Variants in RFTN2 observed in about 807,000 individuals in gnomAD.
The protein encoded by RFTN2 is raftlin-2.
Under a neutral mutation model 52.7 loss-of-function variants are expected in RFTN2, and 34 were observed. The observed-to-expected ratio is 0.64, with a 90% CI of 0.49 to 0.86. The LOEUF is 0.86. RFTN2 is among the 40% of genes least tolerant of loss of function. The pLI, the probability that RFTN2 is intolerant of heterozygous loss-of-function variation, is 0.00. For missense variants in RFTN2, 536 were observed against 600.1 expected (o/e 0.89, Z 1.12); for synonymous variants, 203 against 217.7 (o/e 0.93, Z 0.59).
At chr2:197,588,032 A>T (rs1208934764) in intron 8 of RFTN2, 1 of 469,284 alleles carries the variant, frequency 2.1e-6, no homozygotes, top group Non-Finnish European at 4.4e-6. Context: ...CTGCAAAAAT[A>T]TGAGTAGATT....
chr2:197,582,437 A>G (rs1328756606), intron 8 of RFTN2, among the ~76,000 whole-genome samples: 1 of 151,980 alleles, frequency 6.6e-6, no homozygotes, highest in East Asian at 1.9e-4. Context: ...CTTCTTTCCT[A>G]TTCCTCACCC....
intron 1 of RFTN2, among the ~76,000 whole-genome samples, chr2:197,651,689 C>T (rs1487708288): frequency 6.6e-6 from 1 of 152,068 alleles, no homozygotes; most frequent in East Asian, 1.9e-4. Flanking sequence ...AGCTTTTCTT[C>T]TGTTTTCTTC....
At chr2:197,636,109 G>A (rs1016318351) in intron 3 of RFTN2, among the ~76,000 whole-genome samples, 36 of 151,764 alleles carry the variant, frequency 2.4e-4, no homozygotes, top group Non-Finnish European at 4.6e-4. Context: ...CTCTTGTTTT[G>A]GTACCAGTAC....
chr2:197,630,396 T>C (rs1480236716), intron 5 of RFTN2, among the ~76,000 whole-genome samples: 7 of 152,214 alleles, frequency 4.6e-5, no homozygotes, highest in African/African-American at 1.4e-4. Context: ...CCTCATCTCT[T>C]AAAAAAACTT....
intron 5 of RFTN2, among the ~76,000 whole-genome samples, chr2:197,621,741 A>C (rs2088269266): frequency 6.6e-6 from 1 of 152,036 alleles, no homozygotes; most frequent in Non-Finnish European, 1.5e-5. Flanking sequence ...ATTCCCTGAA[A>C]TTAGGCCAAT....
intron 8 of RFTN2, among the ~76,000 whole-genome samples, chr2:197,583,010 C>A (rs1413853072): frequency 6.6e-6 from 1 of 152,144 alleles, no homozygotes; most frequent in African/African-American, 2.4e-5. Flanking sequence ...GTTCTTAGAC[C>A]AAGGAAAATA....
intron 8 of RFTN2, among the ~76,000 whole-genome samples, chr2:197,582,101 G>A (rs2087519649): frequency 1.3e-5 from 2 of 152,242 alleles, no homozygotes; most frequent in South Asian, 2.1e-4. Context: ...TGACCTTACT[G>A]TTTTAGGCTG....
intron 8 of RFTN2, among the ~76,000 whole-genome samples, chr2:197,575,737 T>A (rs1452514768): frequency 7.2e-6 from 1 of 138,708 alleles, no homozygotes; most frequent in Non-Finnish European, 1.6e-5. Context: ...TCAGGTCATA[T>A]ATGTATATAA....
chr2:197,603,778 T>G (rs1168039962), intron 7 of RFTN2, among the ~76,000 whole-genome samples: 3 of 152,006 alleles, frequency 2.0e-5, no homozygotes, highest in Non-Finnish European at 4.4e-5. Flanking sequence ...AAAAACAAAA[T>G]TAGCCAGGCA....
chr2:197,637,092 A>C (rs1316173907), intron 3 of RFTN2, among the ~76,000 whole-genome samples: 2 of 150,280 alleles, frequency 1.3e-5, no homozygotes, highest in Non-Finnish European at 3.0e-5. Flanking sequence ...GATGAAGCCC[A>C]CTTGATCATG....
chr2:197,593,671 G>A (rs2087751611), intron 8 of RFTN2, among the ~76,000 whole-genome samples: 1 of 151,998 alleles, frequency 6.6e-6, no homozygotes, highest in African/African-American at 2.4e-5. Flanking sequence ...GGGGGATCTC[G>A]AGGTCAGGAG....
At chr2:197,601,363 A>G (rs1043486960) in intron 7 of RFTN2, among the ~76,000 whole-genome samples, 5 of 152,172 alleles carry the variant, frequency 3.3e-5, no homozygotes, top group African/African-American at 1.2e-4. Flanking sequence ...AATAAAAACA[A>G]CTTTGACTCC....
chr2:197,665,000 A>C (rs2089031443), intron 1 of RFTN2, among the ~76,000 whole-genome samples: 1 of 152,170 alleles, frequency 6.6e-6, no homozygotes, highest in African/African-American at 2.4e-5. Context: ...TGGGACTACT[A>C]GAGAGAGGGA....
chr2:197,661,404 A>AAT (rs940946865), intron 1 of RFTN2, among the ~76,000 whole-genome samples: 1 of 151,478 alleles, frequency 6.6e-6, no homozygotes, highest in Non-Finnish European at 1.5e-5. Context: ...GTAGTTTTTA[A>AAT]ATATATATAT....
chr2:197,572,425 C>T (rs536897767), intron 8 of RFTN2, 145 bp from the exon 9 acceptor site: 1 of 717,766 alleles, frequency 1.4e-6, no homozygotes, highest in South Asian at 1.8e-5. Context: ...ACGACCAGCT[C>T]AGAGCTACCT....
chr2:197,595,117 T>C (rs901806702), intron 8 of RFTN2, among the ~76,000 whole-genome samples: 7 of 152,224 alleles, frequency 4.6e-5, no homozygotes, highest in Admixed American at 1.3e-4. Flanking sequence ...TCCAGTAAGA[T>C]CAAGGTGACT....
intron 1 of RFTN2, among the ~76,000 whole-genome samples, chr2:197,656,128 C>T (rs1333308501): frequency 6.6e-6 from 1 of 152,168 alleles, no homozygotes; most frequent in Non-Finnish European, 1.5e-5. Flanking sequence ...TCTGCCACAC[C>T]TAGTAAGGTA....
intron 1 of RFTN2, among the ~76,000 whole-genome samples, chr2:197,667,865 G>T (rs1173803678): frequency 6.6e-6 from 1 of 152,144 alleles, no homozygotes. Flanking sequence ...ACCCAGTGAG[G>T]CACATGTTGG....
chr2:197,604,795 C>A (rs150271815), intron 7 of RFTN2, among the ~76,000 whole-genome samples: 1 of 152,158 alleles, frequency 6.6e-6, no homozygotes, highest in Non-Finnish European at 1.5e-5. Flanking sequence ...GAGCCTCACT[C>A]TGTTGCCCAG....
Sources: allele counts gnomAD v4.1 joint callset (sites outside exome capture counted in the v4.1 genomes callset), GRCh38; gene constraint gnomAD v4.1.1; transcripts MANE v1.5; gene names NCBI Gene and HGNC (gene_info 2026-07-23, HGNC 2026-07-21).